Variants in SBNO2 observed in about 807,000 individuals in gnomAD.
SBNO2 encodes the protein strawberry notch homolog 2.
In SBNO2, 89 loss-of-function variants were observed where a neutral mutation model predicts 146.3. The ratio of observed to expected loss-of-function variants is 0.61; its 90% confidence interval spans 0.51 to 0.73. SBNO2 has a LOEUF of 0.73. Among genes scored for constraint, SBNO2 ranks in the 30% least tolerant of loss-of-function variants. SBNO2 has a pLI of 0.00. For synonymous variants in SBNO2, 1,147 were observed against 892.6 expected, an observed-to-expected ratio of 1.29 and a Z score of -5.08; for missense variants, 2,092 against 2,003.7, an observed-to-expected ratio of 1.04 and a Z score of -0.84.
At chr19:1,153,858 C>T (rs975049327) in intron 2 of SBNO2, among the ~76,000 whole-genome samples, 17 of 152,224 alleles carry the variant, frequency 1.1e-4, no homozygotes, top group Non-Finnish European at 1.9e-4. Flanking sequence ...AAGTAATTCC[C>T]TCACTGACAG....
At chr19:1,133,721 C>T (rs1214055377) in intron 4 of SBNO2, among the ~76,000 whole-genome samples, 2 of 151,816 alleles carry the variant, frequency 1.3e-5, no homozygotes, top group African/African-American at 4.8e-5. Flanking sequence ...ACAGCCACCG[C>T]TCAACCTAGC....
At chr19:1,172,981 A>T (rs1251463003) in intron 1 of SBNO2, among the ~76,000 whole-genome samples, 4 of 99,804 alleles carry the variant, frequency 4.0e-5, no homozygotes, top group African/African-American at 1.5e-4. Context: ...CCGGCTACAC[A>T]TTTAAGAGAT....
chr19:1,116,790 G>A (rs571844761), intron 16 of SBNO2, 39 bp downstream of exon 16: 85 of 1,513,044 alleles, frequency 5.6e-5, no homozygotes, highest in South Asian at 7.3e-5. Flanking sequence ...GGCCATGAGC[G>A]CAGGAAGCCC....
intron 13 of SBNO2, 80 bp from the exon 14 acceptor site, chr19:1,119,244 C>T (rs987975222): frequency 7.4e-6 from 11 of 1,493,210 alleles, no homozygotes; most frequent in African/African-American, 2.8e-5. Flanking sequence ...CAGAGCCAGT[C>T]GCAGAGAGGG....
In SBNO2 at chr19:1,154,371, CGTG is replaced by C; in HGVS notation, c.-98_-96del. 1.7e-6 allele frequency: 1 copy of C among 598,316 alleles called. No homozygotes were observed. The highest frequency in any genetic ancestry group is 2.4e-6 in the Non-Finnish European group (1 of 409,546). The allele number at this position is 598,316 out of a possible 1,614,324, so 37.1% of individuals were successfully genotyped here. A position where few individuals can be genotyped will look rare whatever the true frequency, so the allele number is the denominator to read the frequency against. ...GGGCGTCTATCTGGGCTTCTCGCTCCGTGGTGGCGGCGGTGGCGGCAGCATCAT... is the reference window on the plus strand; with the variant it reads ...GGGCGTCTATCTGGGCTTCTCGCTCCGTGGCGGCGGTGGCGGCAGCATCAT... On this transcript the variant is annotated 5_prime_UTR_variant, in exon 2 of 32. Transcript: ENST00000361757.
intron 1 of SBNO2, among the ~76,000 whole-genome samples, chr19:1,165,335 C>T (rs981096667): frequency 1.3e-5 from 2 of 152,154 alleles, no homozygotes; most frequent in Non-Finnish European, 2.9e-5. Context: ...CCAAGCCAAC[C>T]CCGAAAGTGG....
intron 4 of SBNO2, among the ~76,000 whole-genome samples, chr19:1,143,690 GTC>G (rs1301662022): frequency 6.6e-6 from 1 of 152,044 alleles, no homozygotes; most frequent in Non-Finnish European, 1.5e-5. Context: ...GGCTCTTCCC[GTC>G]TCTCTCTGGC....
chr19:1,135,620 C>T (rs1356597031), intron 4 of SBNO2, among the ~76,000 whole-genome samples: 2 of 152,248 alleles, frequency 1.3e-5, no homozygotes, highest in African/African-American at 4.8e-5. Flanking sequence ...TCTCCCTCCG[C>T]CTCTGTCCAG....
In SBNO2 at chr19:1,140,876, C is replaced by A. The variant is rs954665000; in HGVS notation, c.279+6433G>T. On this transcript the variant is annotated intron_variant, in intron 4 of 31. Transcript: ENST00000361757. This position sits in a 1 kb window ranked among gnomAD's most constrained non-coding sequence, Gnocchi z 4.4. ...GCGGCCAAAGTTACCAGCATCAGCA[C>A]AACACGCGCAACGCCAGGCACTCCG... Among the ~76,000 whole-genome samples, 4 of 152,166 alleles carry A rather than the reference C, an allele frequency of 2.6e-5. No individual in the cohort carries two copies. Among genetic ancestry groups the A allele is most frequent in the African/African-American group, 4.8e-5 (2 of 41,438 alleles).
chr19:1,168,693 C>T (rs1192118315), intron 1 of SBNO2: 1 of 152,286 alleles, frequency 6.6e-6, no homozygotes, highest in African/African-American at 2.4e-5. Flanking sequence ...CCTCAGTTTA[C>T]CTGACATGCA....
intron 2 of SBNO2, among the ~76,000 whole-genome samples, chr19:1,152,760 A>G (rs2080254668): frequency 6.6e-6 from 1 of 152,148 alleles, no homozygotes; most frequent in African/African-American, 2.4e-5. Context: ...CCCACAGGCC[A>G]ACCTGGGTGT....
intron 11 of SBNO2, among the ~76,000 whole-genome samples, chr19:1,120,735 C>A (rs1265090517): frequency 2.0e-5 from 3 of 151,974 alleles, no homozygotes; most frequent in Non-Finnish European, 2.9e-5. Flanking sequence ...GCGGCGCGAT[C>A]TCAGCTCACT....
chr19:1,119,736 C>A, intron 12 of SBNO2, 115 bp from the exon 13 acceptor site: 1 of 1,033,702 alleles, frequency 9.7e-7, no homozygotes. Context: ...GAGCCATGGG[C>A]CTGAAGAGAG....
At chr19:1,149,557 G>A (rs1324154856) in intron 2 of SBNO2, 115 bp from the exon 3 acceptor site, 6 of 907,252 alleles carry the variant, frequency 6.6e-6, no homozygotes, top group African/African-American at 1.6e-5. Context: ...CGCAGTCAGG[G>A]TCCCATCCCG....
At chr19:1,172,544 G>A (rs529157772) in intron 1 of SBNO2, among the ~76,000 whole-genome samples, 169 of 152,274 alleles carry the variant, frequency 1.1e-3, no homozygotes, top group Non-Finnish European at 2.0e-3. Flanking sequence ...GGCCGAGTCA[G>A]GGAGAGACAT....
intron 4 of SBNO2, among the ~76,000 whole-genome samples, chr19:1,142,455 G>A (rs1051136743): frequency 7.9e-5 from 12 of 152,224 alleles, no homozygotes; most frequent in African/African-American, 1.2e-4. Flanking sequence ...GTTACCAGGC[G>A]GATCGCCTGA....
intron 2 of SBNO2, among the ~76,000 whole-genome samples, chr19:1,149,837 G>A (rs1274895487): frequency 3.3e-5 from 5 of 152,202 alleles, no homozygotes; most frequent in African/African-American, 7.2e-5. Flanking sequence ...GACCGTTTGC[G>A]TGAGGGAGAC....
In SBNO2 at chr19:1,113,561, G is replaced by A; in HGVS notation, c.2221C>T (p.Leu741=). Reference sequence around the variant, plus strand: ...TCCGCCACCCGCTGGGGGCCGCCCAGCTGGTCGATGAGCTCGTCCAGGGTG... The same window carrying A: ...TCCGCCACCCGCTGGGGGCCGCCCAACTGGTCGATGAGCTCGTCCAGGGTG... ...VNTLDELIDQ[L]GGPQRVAEMT... The change falls in exon 19 of 32, where the codon CTG becomes TTG. Residue 741 remains leucine (L), a synonymous_variant. Coordinates refer to ENST00000361757, the MANE Select transcript of SBNO2 (RefSeq NM_014963.3). 6.2e-7 allele frequency: 1 copy of A among 1,601,630 alleles called. No homozygotes were observed. Among genetic ancestry groups the A allele is most frequent in the Non-Finnish European group, 8.5e-7 (1 of 1,175,312 alleles).
At chr19:1,123,862 A>G (rs1449027320) in intron 6 of SBNO2, 80 bp downstream of exon 6, 3 of 1,415,670 alleles carry the variant, frequency 2.1e-6, no homozygotes, top group Admixed American at 2.3e-5. Context: ...GCTCCCCACA[A>G]TGGAGATGCC....
Sources: gnomAD v4.1 joint callset for allele counts (sites outside exome capture counted in the v4.1 genomes callset) on GRCh38, gnomAD v4.1.1 for gene constraint, Gnocchi (gnomAD v3.1) non-coding constraint, MANE v1.5 for transcripts, NCBI Gene and HGNC (gene_info 2026-07-23, HGNC 2026-07-21) for gene names.